Variants in USP49 observed in about 807,000 individuals in gnomAD.
The protein encoded by USP49 is ubiquitin carboxyl-terminal hydrolase 49.
USP49 carries 24 observed loss-of-function variants against 58.6 expected under a neutral mutation model. The ratio of observed to expected loss-of-function variants is 0.41; its 90% CI spans 0.30 to 0.58. The LOEUF (loss-of-function observed/expected upper bound fraction) is 0.58. Among genes scored for constraint, USP49 ranks in the 20% least tolerant of loss-of-function variants. The pLI is 0.30. For synonymous variants in USP49, 408 were observed against 365.1 expected (o/e 1.12, Z -1.34); for missense variants, 703 against 866.1 (o/e 0.81, Z 2.36).
intron 3 of USP49, among the ~76,000 whole-genome samples, chr6:41,854,764 G>A (rs1038627997): frequency 2.0e-5 from 3 of 152,010 alleles, no homozygotes; most frequent in Non-Finnish European, 4.4e-5. Context: ...TTAGAACAAC[G>A]CCTTGGAGAG....
chr6:41,892,201 C>T (rs1319906669), intron 1 of USP49, among the ~76,000 whole-genome samples: 3 of 152,196 alleles, frequency 2.0e-5, no homozygotes, highest in African/African-American at 7.2e-5. Flanking sequence ...TTTCCCTTGG[C>T]TGATCTTACA....
chr6:41,869,349 C>T (rs566752434), intron 3 of USP49, among the ~76,000 whole-genome samples: 7 of 151,976 alleles, frequency 4.6e-5, no homozygotes, highest in African/African-American at 7.2e-5. Context: ...CTGGGTAGCA[C>T]GGCATGACTC....
chr6:41,858,752 C>T (rs1444162452), intron 3 of USP49, among the ~76,000 whole-genome samples: 1 of 152,144 alleles, frequency 6.6e-6, no homozygotes, highest in South Asian at 2.1e-4. Flanking sequence ...CTCAGTGAAG[C>T]CTTCCCTGGT....
intron 3 of USP49, among the ~76,000 whole-genome samples, chr6:41,812,631 T>C (rs1773279171): frequency 6.6e-6 from 1 of 151,606 alleles, no homozygotes; most frequent in African/African-American, 2.4e-5. Flanking sequence ...AGGCGGAGCT[T>C]GCAGTGAGCC....
intron 2 of USP49, among the ~76,000 whole-genome samples, chr6:41,889,941 A>G (rs1774782290): frequency 6.6e-6 from 1 of 152,216 alleles, no homozygotes; most frequent in African/African-American, 2.4e-5. Flanking sequence ...ACTTTTCCAT[A>G]TGTTTAAAAA....
chr6:41,848,451 C>T (rs1418669498), intron 3 of USP49, among the ~76,000 whole-genome samples: 2 of 152,054 alleles, frequency 1.3e-5, no homozygotes, highest in South Asian at 2.1e-4. Context: ...AGTGCAGCCT[C>T]GACCTCCTGG....
At position 41,888,517 on chromosome 6, in the gene USP49, G is replaced by A. The variant is rs144273780; in HGVS notation, c.-103+3277C>T. ...TGCCCAGGCTGGAGTACAACAGCACGATCTCAGCTCACTGCAACCTCTGCC... is the reference window on the plus strand; with the variant it reads ...TGCCCAGGCTGGAGTACAACAGCACAATCTCAGCTCACTGCAACCTCTGCC... On this transcript the variant is annotated intron_variant, in intron 2 of 7. Coordinates refer to ENST00000682992, the MANE Select transcript of USP49 (RefSeq NM_001286554.2). 4.0e-3 allele frequency among the ~76,000 whole-genome samples: 599 copies of A among 151,596 alleles called. 4 individuals carry two copies. Among genetic ancestry groups the A allele is most frequent in the African/African-American group, 0.014 (579 of 41,292 alleles).
At chr6:41,875,629 A>C (rs1003248328) in intron 2 of USP49, among the ~76,000 whole-genome samples, 3 of 152,088 alleles carry the variant, frequency 2.0e-5, no homozygotes, top group Non-Finnish European at 4.4e-5. Context: ...CTTATTTTCC[A>C]CTACCCATCC....
At chr6:41,833,706 A>C (rs1348842493) in intron 3 of USP49, among the ~76,000 whole-genome samples, 1 of 152,252 alleles carries the variant, frequency 6.6e-6, no homozygotes, top group Non-Finnish European at 1.5e-5. Context: ...AAGGTGGACA[A>C]GATTATCACA....
intron 3 of USP49, among the ~76,000 whole-genome samples, chr6:41,807,226 A>G (rs1773156921): frequency 6.6e-6 from 1 of 152,176 alleles, no homozygotes; most frequent in Non-Finnish European, 1.5e-5. Context: ...ATTACTTAAA[A>G]AGGAAGACTC....
At chr6:41,829,741 C>T (rs1019584407) in intron 3 of USP49, among the ~76,000 whole-genome samples, 1 of 152,152 alleles carries the variant, frequency 6.6e-6, no homozygotes, top group Non-Finnish European at 1.5e-5. Flanking sequence ...TGATAGTGGG[C>T]ACCATGTACT....
intron 3 of USP49, among the ~76,000 whole-genome samples, chr6:41,870,388 T>C (rs1774392941): frequency 1.3e-5 from 2 of 152,194 alleles, no homozygotes; most frequent in Admixed American, 6.5e-5. Context: ...ACATGCCATA[T>C]ACTTATAGAC....
At chr6:41,825,681 T>G (rs768378649) in intron 3 of USP49, among the ~76,000 whole-genome samples, 4 of 152,174 alleles carry the variant, frequency 2.6e-5, no homozygotes, top group Admixed American at 1.3e-4. Context: ...AAACTAACCT[T>G]TAGAATAATA....
chr6:41,890,294 G>A (rs557079560), intron 2 of USP49, among the ~76,000 whole-genome samples: 58 of 151,140 alleles, frequency 3.8e-4, no homozygotes, highest in African/African-American at 1.3e-3. Context: ...CAGGAGAATC[G>A]CTTGAACCTG....
chr6:41,850,997 A>G (rs1774017797), intron 3 of USP49, among the ~76,000 whole-genome samples: 1 of 152,220 alleles, frequency 6.6e-6, no homozygotes, highest in Non-Finnish European at 1.5e-5. Flanking sequence ...TTAAATCAGT[A>G]ACCAAAAAAC....
At chr6:41,837,905 C>T (rs1773755642) in intron 3 of USP49, among the ~76,000 whole-genome samples, 1 of 152,132 alleles carries the variant, frequency 6.6e-6, no homozygotes, top group African/African-American at 2.4e-5. Context: ...CAATGAGATA[C>T]CATCTCACAG....
intron 3 of USP49, among the ~76,000 whole-genome samples, chr6:41,813,954 A>G (rs1581998507): frequency 1.3e-5 from 2 of 152,344 alleles, no homozygotes; most frequent in Non-Finnish European, 2.9e-5. Flanking sequence ...AATAGGGCCT[A>G]GCACCCATTT....
intron 3 of USP49, among the ~76,000 whole-genome samples, chr6:41,809,263 C>G (rs1581995483): frequency 6.6e-6 from 1 of 151,716 alleles, no homozygotes; most frequent in African/African-American, 2.4e-5. Context: ...TGGCTCATGC[C>G]TGTAATCCCA....
chr6:41,792,808 T>C lies in USP49; in HGVS notation c.*3725A>G, dbSNP rs1389347278. ...CACTTGAAATGACAAGAAGAAATCC[T>C]TTCCCTTAATCTTTTCAATTCCATG... On this transcript the variant is annotated 3_prime_UTR_variant, in exon 8 of 8. Transcript: ENST00000682992. 1 of 152,262 alleles carries C rather than the reference T, an allele frequency of 6.6e-6. No individual in the cohort carries two copies. The highest frequency in any genetic ancestry group is 2.4e-5 in the African/African-American group (1 of 41,470). 9.4% of individuals were successfully genotyped at this position (152,262 alleles called of 1,614,324 possible).
Sources: gnomAD v4.1 joint callset for allele counts (sites outside exome capture counted in the v4.1 genomes callset) on GRCh38, gnomAD v4.1.1 for gene constraint, MANE v1.5 for transcripts, NCBI Gene and HGNC (gene_info 2026-07-23, HGNC 2026-07-21) for gene names.